Variants in LCP1 observed in about 807,000 individuals in gnomAD.
The protein encoded by LCP1 is lymphocyte cytosolic protein 1.
In LCP1, 23 loss-of-function variants were observed where a neutral mutation model predicts 72.0. The ratio of observed to expected loss-of-function variants is 0.32; its 90% CI spans 0.23 to 0.45. The LOEUF is 0.45. Among genes scored for constraint, LCP1 ranks in the 20% least tolerant of loss-of-function variants. LCP1 has a pLI of 1.00. For missense variants in LCP1, 571 were observed against 748.3 expected (o/e 0.76, Z 2.76); for synonymous variants, 245 against 275.4 (o/e 0.89, Z 1.09).
At position 46,159,030 on chromosome 13, in the gene LCP1, G is replaced by A. The variant is rs764726547; in HGVS notation, c.65-41C>T. 5 of 1,600,902 alleles carry A rather than the reference G, an allele frequency of 3.1e-6. No individual in the cohort carries two copies. The South Asian group carries it at 5.5e-5, about 18-fold the overall frequency. Reference sequence around the variant, plus strand: ...TATACTGAAGCTTCAGGACGATTCAGGCAACAGCTTTTAGAGAGGTGAGGG... The same window carrying A: ...TATACTGAAGCTTCAGGACGATTCAAGCAACAGCTTTTAGAGAGGTGAGGG... On this transcript the variant is annotated intron_variant, in intron 2 of 15. Coordinates refer to ENST00000323076, the MANE Select transcript of LCP1 (RefSeq NM_002298.5).
chr13:46,163,328 A>G (rs1167225708), intron 1 of LCP1, among the ~76,000 whole-genome samples: 1 of 152,200 alleles, frequency 6.6e-6, no homozygotes, highest in Non-Finnish European at 1.5e-5. Flanking sequence ...GTTAATCTAT[A>G]ACCTTACCCC....
chr13:46,135,403 G>A (rs1366175436), intron 13 of LCP1, among the ~76,000 whole-genome samples: 3 of 152,134 alleles, frequency 2.0e-5, no homozygotes, highest in African/African-American at 4.8e-5. Context: ...CCCTCCACTT[G>A]TGTGCTCTAG....
chr13:46,151,598 T>C (rs1354299933), intron 7 of LCP1, among the ~76,000 whole-genome samples: 1 of 152,224 alleles, frequency 6.6e-6, no homozygotes, highest in Admixed American at 6.5e-5. Context: ...TTTGCTCAGC[T>C]AGAAGGTTTA....
intron 13 of LCP1, among the ~76,000 whole-genome samples, chr13:46,139,479 C>T (rs1351140055): frequency 6.6e-6 from 1 of 152,228 alleles, no homozygotes; most frequent in Admixed American, 6.5e-5. Context: ...AGGCACACCA[C>T]GAACCTTGTC....
chr13:46,181,565 C>T (rs184167433), intron 1 of LCP1, among the ~76,000 whole-genome samples: 59 of 152,146 alleles, frequency 3.9e-4, no homozygotes, highest in Admixed American at 2.4e-3. Context: ...CATTAAAAAC[C>T]CTTGGCGCCA....
intron 13 of LCP1, among the ~76,000 whole-genome samples, chr13:46,141,231 C>A (rs564343274): frequency 1.3e-5 from 2 of 151,588 alleles, no homozygotes; most frequent in African/African-American, 4.8e-5. Context: ...CACGGTGAAA[C>A]CCCGTCTCTA....
rs189659637 is a variant in LCP1 at position 46,157,075 on chromosome 13, C to T, written c.359-505G>A. Among the ~76,000 whole-genome samples, 900 of 152,090 alleles carry T rather than the reference C, an allele frequency of 5.9e-3. 6 individuals are homozygous for T. Among genetic ancestry groups the T allele is most frequent in the African/African-American group, 0.021 (869 of 41,534 alleles). On this transcript the variant is annotated intron_variant, in intron 4 of 15. Transcript: ENST00000323076. Reference sequence around the variant, plus strand: ...GACCTCGTGATCTGCCCACCTCAGCCTCCCAAAGTGCTGGGATTGCAGGTG... The same window carrying T: ...GACCTCGTGATCTGCCCACCTCAGCTTCCCAAAGTGCTGGGATTGCAGGTG...
chr13:46,162,793 G>A (rs1157948325), intron 1 of LCP1, among the ~76,000 whole-genome samples: 2 of 151,818 alleles, frequency 1.3e-5, no homozygotes, highest in East Asian at 1.9e-4. Flanking sequence ...CCTCTGCCCC[G>A]CCGCCCCGTC....
chr13:46,130,407 G>A (rs2045626597), intron 15 of LCP1, among the ~76,000 whole-genome samples: 1 of 152,252 alleles, frequency 6.6e-6, no homozygotes, highest in Non-Finnish European at 1.5e-5. Context: ...CATTTGGCAG[G>A]TGACCTGAAT....
rs569468129 is a variant in LCP1, at chr13:46,126,057, A to C, written c.*1534T>G. 1.4e-5 allele frequency: 3 copies of C among 210,702 alleles called. No homozygotes were observed. Among genetic ancestry groups the C allele is most frequent in the Non-Finnish European group, 2.9e-5 (3 of 103,708 alleles). 13.1% of individuals were successfully genotyped at this position (210,702 alleles called of 1,614,324 possible). On this transcript the variant is annotated 3_prime_UTR_variant, in exon 16 of 16. Coordinates refer to ENST00000323076, the MANE Select transcript of LCP1 (RefSeq NM_002298.5). ...GCTACAGTAAGTTCAATCTGAAGTCAAAACCAACCAATTTGTATTCAGAAG... is the reference window on the plus strand; with the variant it reads ...GCTACAGTAAGTTCAATCTGAAGTCCAAACCAACCAATTTGTATTCAGAAG...
chr13:46,134,469 T>C (rs9595417), intron 13 of LCP1, among the ~76,000 whole-genome samples: 2,330 of 152,044 alleles, frequency 0.015, 56 homozygotes, highest in African/African-American at 0.053. Context: ...GTAAAGCAGA[T>C]ACCTCCTTTC....
At chr13:46,143,892 C>T (rs900874411) in intron 11 of LCP1, among the ~76,000 whole-genome samples, 2 of 152,100 alleles carry the variant, frequency 1.3e-5, no homozygotes, top group Non-Finnish European at 2.9e-5. Flanking sequence ...AGGTGGAACC[C>T]CGTCTCTACT....
chr13:46,171,065 T>C (rs1290662412), intron 1 of LCP1, among the ~76,000 whole-genome samples: 3 of 152,224 alleles, frequency 2.0e-5, no homozygotes, highest in Non-Finnish European at 4.4e-5. Context: ...GGCAAATAGC[T>C]AAAGAACAAA....
rs11558762 is a variant in LCP1 at position 46,130,933 on chromosome 13, C to T, written c.1632G>A (p.Pro544=). 131 of 1,602,462 alleles carry T rather than the reference C, an allele frequency of 8.2e-5. No individual in the cohort carries two copies. In the East Asian group the frequency reaches 9.5e-4, roughly 12 times the overall value. The part of the protein sequence containing the change: ...KSSSISSFKD[P]KISTSLPVLD... The stretch of plus-strand genomic sequence containing the variant: ...GAACAGGCAGACTTGTACTAATCTT[C>T]GGGTCCTATGCAGAGACACAGGGAG... Residue 544 remains proline, a synonymous_variant, in exon 15 of 16, where the codon CCG becomes CCA. Coordinates refer to ENST00000323076, the MANE Select transcript of LCP1 (RefSeq NM_002298.5).
intron 5 of LCP1, among the ~76,000 whole-genome samples, chr13:46,155,587 C>T (rs193192009): frequency 7.7e-4 from 117 of 152,268 alleles, no homozygotes; most frequent in African/African-American, 2.7e-3. Flanking sequence ...ATGTCTTTCC[C>T]ACCCATTGTT....
chr13:46,156,352 A>T, intron 5 of LCP1, 86 bp downstream of exon 5: 1 of 1,523,442 alleles, frequency 6.6e-7, no homozygotes, highest in Admixed American at 1.8e-5. Context: ...CACCAAACAA[A>T]GTTGGCCTAC....
At chr13:46,156,607 T>G (rs760284574) in intron 4 of LCP1, 37 bp from the exon 5 acceptor site, 9 of 1,612,984 alleles carry the variant, frequency 5.6e-6, no homozygotes, top group Non-Finnish European at 7.6e-6. Flanking sequence ...ATTTGCAAAG[T>G]GAAACTCTAT....
chr13:46,130,922 G>A lies in LCP1; in HGVS notation c.1643C>T (p.Thr548Ile), dbSNP rs1208105578. The A allele has an allele frequency of 2.5e-6, 4 of 1,606,682 alleles. No homozygotes were observed. The South Asian group carries it at 3.4e-5, about 13-fold the overall frequency. ...GATGAGGTCCAGAACAGGCAGACTT[G>A]TACTAATCTTCGGGTCCTATGCAGA... Reference protein sequence around the residue: ...ISSFKDPKISTSLPVLDLIDA... With the variant: ...ISSFKDPKISISLPVLDLIDA... The change falls in exon 15 of 16, where the codon ACA becomes ATA. Residue 548 changes from threonine to isoleucine, a missense_variant. By Grantham distance (89) the Thr-to-Ile change is moderately conservative. Transcript: ENST00000323076.
chr13:46,128,404 C>A (rs1428566286), intron 15 of LCP1, among the ~76,000 whole-genome samples: 1 of 152,164 alleles, frequency 6.6e-6, no homozygotes, highest in African/African-American at 2.4e-5. Flanking sequence ...CGAGACCATC[C>A]TGGCCAACAT....
Sources: gnomAD v4.1 joint callset for allele counts (sites outside exome capture counted in the v4.1 genomes callset) on GRCh38, gnomAD v4.1.1 for gene constraint, MANE v1.5 for transcripts, NCBI Gene and HGNC (gene_info 2026-07-23, HGNC 2026-07-21) for gene names.